MSRB3: variants seen among roughly 807,000 people sequenced by gnomAD.
MSRB3 encodes the protein methionine-R-sulfoxide reductase B3.
MSRB3 carries 13 observed loss-of-function variants against 21.0 expected under a neutral mutation model. The observed-to-expected ratio is 0.62, with a 90% CI of 0.40 to 0.98. The LOEUF (loss-of-function observed/expected upper bound fraction) is 0.98, where lower values mean the gene tolerates loss of function less well. Ranked by LOEUF, MSRB3 falls within the 50% of genes least tolerant of loss-of-function variation. MSRB3 has a pLI of 0.00. For missense variants in MSRB3, 199 were observed against 230.3 expected, an observed-to-expected ratio of 0.86 and a Z score of 0.88; for synonymous variants, 87 against 88.6, an observed-to-expected ratio of 0.98 and a Z score of 0.10.
chr12:65,385,612 T>G (rs757361588), intron 5 of MSRB3, among the ~76,000 whole-genome samples: 1 of 152,050 alleles, frequency 6.6e-6, no homozygotes, highest in Non-Finnish European at 1.5e-5. Flanking sequence ...TAGCTTTCTT[T>G]AATTTGCTAC....
chr12:65,279,086 C>A, intron 1 of MSRB3: 3 of 1,390,864 alleles, frequency 2.2e-6, no homozygotes, highest in Non-Finnish European at 2.8e-6. Context: ...GGGCTGGTTT[C>A]CCCCCACCCG....
intron 4 of MSRB3, among the ~76,000 whole-genome samples, chr12:65,334,660 T>C (rs1345426861): frequency 1.3e-5 from 2 of 152,184 alleles, no homozygotes; most frequent in Non-Finnish European, 2.9e-5. Context: ...AGATCCATCA[T>C]GGCAGGTCAT....
intron 5 of MSRB3, among the ~76,000 whole-genome samples, chr12:65,400,604 A>G (rs540191254): frequency 3.5e-4 from 53 of 151,914 alleles, no homozygotes; most frequent in African/African-American, 1.2e-3. Context: ...TTGTGTCTTT[A>G]TCTCCTTCAG....
At chr12:65,281,562 A>G (rs1414036096) in intron 1 of MSRB3, 1 of 152,248 alleles carries the variant, frequency 6.6e-6, no homozygotes, top group Non-Finnish European at 1.5e-5. Context: ...AGATACATAC[A>G]TACCTGGACA....
chr12:65,354,709 G>A (rs373227749), intron 4 of MSRB3, among the ~76,000 whole-genome samples: 23 of 151,916 alleles, frequency 1.5e-4, no homozygotes, highest in African/African-American at 5.5e-4. Flanking sequence ...AATGAATAAG[G>A]CAGTGAAATG....
intron 4 of MSRB3, among the ~76,000 whole-genome samples, chr12:65,366,337 G>A (rs1454072047): frequency 6.6e-6 from 1 of 152,176 alleles, no homozygotes; most frequent in East Asian, 1.9e-4. Context: ...AGTACTACCT[G>A]ACCTGAAGAA....
At chr12:65,371,754 C>T (rs769183301) in intron 5 of MSRB3, among the ~76,000 whole-genome samples, 1 of 152,080 alleles carries the variant, frequency 6.6e-6, no homozygotes, top group Non-Finnish European at 1.5e-5. Flanking sequence ...GTTTTCATTG[C>T]CAGCACATGG....
At chr12:65,413,736 A>C (rs899193074) in intron 5 of MSRB3, among the ~76,000 whole-genome samples, 6 of 152,176 alleles carry the variant, frequency 3.9e-5, no homozygotes, top group Non-Finnish European at 8.8e-5. Flanking sequence ...AAAGAAATGC[A>C]TACTAAATAT....
At chr12:65,342,481 G>A (rs1391350380) in intron 4 of MSRB3, among the ~76,000 whole-genome samples, 1 of 151,928 alleles carries the variant, frequency 6.6e-6, no homozygotes, top group Non-Finnish European at 1.5e-5. Context: ...GTCAAATTAA[G>A]TATTGGTCAG....
At chr12:65,341,150 G>A (rs1476478725) in intron 4 of MSRB3, among the ~76,000 whole-genome samples, 1 of 152,016 alleles carries the variant, frequency 6.6e-6, no homozygotes, top group Non-Finnish European at 1.5e-5. Flanking sequence ...AGATTTGGGA[G>A]CAACCTAAGT....
chr12:65,432,376 A>T (rs751443476), intron 5 of MSRB3, among the ~76,000 whole-genome samples: 2 of 152,008 alleles, frequency 1.3e-5, no homozygotes, highest in Non-Finnish European at 2.9e-5. Context: ...TGTGGCAAGG[A>T]AAGATGAATG....
intron 6 of MSRB3, among the ~76,000 whole-genome samples, chr12:65,457,861 T>TATC (rs1314826980): frequency 4.6e-5 from 7 of 151,654 alleles, no homozygotes; most frequent in Non-Finnish European, 1.0e-4. Flanking sequence ...AGTTTTATTT[T>TATC]ATTATTATTA....
Position 65,370,466 on chromosome 12 carries a change from G to A in MSRB3, c.292+1440G>A, listed in dbSNP as rs138504285. 2.9e-3 allele frequency among the ~76,000 whole-genome samples: 439 copies of A among 152,156 alleles called. 3 individuals carry two copies. The highest frequency in any genetic ancestry group is 6.8e-3 in the Middle Eastern group (2 of 292). On this transcript the variant is annotated intron_variant, in intron 5 of 6. Coordinates refer to ENST00000308259, the MANE Select transcript of MSRB3 (RefSeq NM_001031679.3). ...GTCAGAAACTGGTTTTAGGGTACAG[G>A]GTCTGGAATATAGCTTTTAAAAATG... is the stretch of plus-strand genomic sequence containing the variant.
chr12:65,388,351 C>T (rs1389543653), intron 5 of MSRB3, among the ~76,000 whole-genome samples: 1 of 152,074 alleles, frequency 6.6e-6, no homozygotes, highest in Non-Finnish European at 1.5e-5. Context: ...GGCAGGTACA[C>T]AGCCCTGGCA....
intron 4 of MSRB3, among the ~76,000 whole-genome samples, chr12:65,353,147 A>G (rs146968221): frequency 2.0e-5 from 3 of 152,108 alleles, no homozygotes; most frequent in African/African-American, 7.2e-5. Flanking sequence ...GCTTCCAACT[A>G]TGTGGTCAGT....
At chr12:65,350,083 TG>T (rs1565847815) in intron 4 of MSRB3, among the ~76,000 whole-genome samples, 1 of 152,024 alleles carries the variant, frequency 6.6e-6, no homozygotes, top group East Asian at 1.9e-4. Context: ...AATTGATTTT[TG>T]TATAAGGTGT....
chr12:65,291,755 C>T (rs1291772969), intron 1 of MSRB3, among the ~76,000 whole-genome samples: 1 of 152,046 alleles, frequency 6.6e-6, no homozygotes, highest in Non-Finnish European at 1.5e-5. Flanking sequence ...GTGGTAGGAG[C>T]AAGAGAGAGC....
At position 65,369,155 on chromosome 12, in the gene MSRB3, C is replaced by T. The variant is rs918148511; in HGVS notation, c.292+129C>T. 131 of 701,156 alleles carry T rather than the reference C, an allele frequency of 1.9e-4. No individual in the cohort carries two copies. The African/African-American group carries it at 2.0e-3, about 11-fold the overall frequency. 43.4% of individuals were successfully genotyped at this position (701,156 alleles called of 1,614,324 possible). A position where few individuals can be genotyped will look rare whatever the true frequency, so the allele number is the denominator to read the frequency against. On this transcript the variant is annotated intron_variant, in intron 5 of 6. Coordinates refer to ENST00000308259, the MANE Select transcript of MSRB3 (RefSeq NM_001031679.3). ...GCGGTTTCTTTCCAAAATGTGAGTC[C>T]CACCTCAAAGCAGGGCTATTGACTG...
At chr12:65,380,290 G>T (rs781274475) in intron 5 of MSRB3, among the ~76,000 whole-genome samples, 18 of 152,176 alleles carry the variant, frequency 1.2e-4, no homozygotes, top group Non-Finnish European at 2.5e-4. Context: ...GAGTATTTTT[G>T]TTGGGGGGTC....
Sources: gnomAD v4.1 joint callset for allele counts (sites outside exome capture counted in the v4.1 genomes callset) on GRCh38, gnomAD v4.1.1 for gene constraint, MANE v1.5 for transcripts, NCBI Gene and HGNC (gene_info 2026-07-23, HGNC 2026-07-21) for gene names.